The following CDK14 variants were observed in gnomAD, a reference collection of about 807,000 sequenced individuals.
CDK14 encodes cyclin-dependent kinase 14.
Under a neutral mutation model 60.7 loss-of-function variants are expected in CDK14, and 34 were observed. The observed-to-expected ratio is 0.56, with a 90% CI of 0.43 to 0.75. CDK14 has a LOEUF of 0.75. CDK14 is among the 30% of genes least tolerant of loss of function. CDK14 has a pLI of 0.00. For synonymous variants in CDK14, 197 were observed against 203.7 expected (o/e 0.97, Z 0.28); for missense variants, 482 against 564.1 (o/e 0.85, Z 1.47).
intron 2 of CDK14, among the ~76,000 whole-genome samples, chr7:90,696,367 G>C (rs183535769): frequency 4.8e-5 from 6 of 125,690 alleles, no homozygotes; most frequent in African/African-American, 1.8e-4. Flanking sequence ...TTGAGACAGA[G>C]ACTGGCTCTG....
At chr7:90,883,967 C>T (rs182661861) in intron 6 of CDK14, among the ~76,000 whole-genome samples, 1 of 152,180 alleles carries the variant, frequency 6.6e-6, no homozygotes, top group African/African-American at 2.4e-5. Flanking sequence ...TATGACAAAC[C>T]CACAGCCAAT....
intron 5 of CDK14, among the ~76,000 whole-genome samples, chr7:90,812,240 G>A (rs1789152832): frequency 1.3e-5 from 2 of 152,144 alleles, no homozygotes; most frequent in Non-Finnish European, 2.9e-5. Context: ...ATGATAAACT[G>A]GATTAAGAAA....
rs145147290 is a variant in CDK14, at chr7:91,199,655, G to A, written c.*29-7510G>A. On this transcript the variant is annotated intron_variant, in intron 14 of 14. Transcript: ENST00000380050. Reference sequence around the variant, plus strand: ...TGATATGTTAAGTCAGTCTTCTCATGTGAGAAATGCTTTGTTTTGAAATGT... The same window carrying A: ...TGATATGTTAAGTCAGTCTTCTCATATGAGAAATGCTTTGTTTTGAAATGT... Among the ~76,000 whole-genome samples, 185 of 152,208 alleles carry A rather than the reference G, an allele frequency of 1.2e-3. 1 individual carries two copies. In the Middle Eastern group the frequency reaches 0.014, roughly 11 times the overall value.
intron 12 of CDK14, among the ~76,000 whole-genome samples, chr7:91,112,337 ATAC>A (rs1253313293): frequency 1.8e-4 from 26 of 147,888 alleles, no homozygotes; most frequent in Non-Finnish European, 2.9e-4. Context: ...TAAATCAATT[ATAC>A]TGTTATACCT....
chr7:90,701,724 T>G (rs1381200958), intron 2 of CDK14, among the ~76,000 whole-genome samples: 1 of 152,124 alleles, frequency 6.6e-6, no homozygotes, highest in Non-Finnish European at 1.5e-5. Flanking sequence ...AAGAAAGAAA[T>G]AGATTTATTG....
At chr7:91,031,971 T>G (rs2115942074) in intron 10 of CDK14, among the ~76,000 whole-genome samples, 1 of 152,292 alleles carries the variant, frequency 6.6e-6, no homozygotes, top group South Asian at 2.1e-4. Flanking sequence ...TTGCCGGCCT[T>G]GCATACATAA....
At chr7:90,758,943 C>G (rs1804198804) in intron 4 of CDK14, among the ~76,000 whole-genome samples, 1 of 151,700 alleles carries the variant, frequency 6.6e-6, no homozygotes, top group African/African-American at 2.4e-5. Flanking sequence ...ACAATCCCAG[C>G]TACTCGGAAG....
intron 5 of CDK14, among the ~76,000 whole-genome samples, chr7:90,806,291 C>T (rs1788831479): frequency 6.6e-6 from 1 of 151,980 alleles, no homozygotes; most frequent in Non-Finnish European, 1.5e-5. Context: ...TTGGAGTTGT[C>T]CTCTTAAAAA....
chr7:90,886,449 A>G (rs969433479), intron 6 of CDK14, among the ~76,000 whole-genome samples: 1 of 152,150 alleles, frequency 6.6e-6, no homozygotes, highest in South Asian at 2.1e-4. Flanking sequence ...ACTTCTTTTA[A>G]CATTTTGCTA....
At chr7:90,953,376 A>G (rs769993791) in intron 8 of CDK14, among the ~76,000 whole-genome samples, 1 of 152,202 alleles carries the variant, frequency 6.6e-6, no homozygotes, top group Non-Finnish European at 1.5e-5. Context: ...TTGGGAAGTT[A>G]TGTGGCTCAT....
intron 7 of CDK14, among the ~76,000 whole-genome samples, chr7:90,904,985 A>G (rs557222795): frequency 1.3e-5 from 2 of 152,262 alleles, no homozygotes; most frequent in South Asian, 4.1e-4. Flanking sequence ...TAAAATTACC[A>G]TTTTCAGATG....
chr7:90,744,148 G>A (rs1803470259), intron 3 of CDK14, among the ~76,000 whole-genome samples: 1 of 152,192 alleles, frequency 6.6e-6, no homozygotes, highest in African/African-American at 2.4e-5. Context: ...CTAGGCAGAG[G>A]ACCCTGCGGC....
intron 2 of CDK14, among the ~76,000 whole-genome samples, chr7:90,664,027 T>G (rs1408520164): frequency 6.6e-6 from 1 of 152,046 alleles, no homozygotes; most frequent in Non-Finnish European, 1.5e-5. Flanking sequence ...GGGAGAAAAT[T>G]TTTGCAACCT....
chr7:90,895,164 GC>G (rs1311991263), intron 6 of CDK14, among the ~76,000 whole-genome samples: 2 of 151,836 alleles, frequency 1.3e-5, no homozygotes, highest in African/African-American at 2.4e-5. Context: ...TTTAGTTATA[GC>G]CCTTCCTATG....
intron 10 of CDK14, among the ~76,000 whole-genome samples, chr7:91,030,159 T>C (rs1206998657): frequency 6.6e-6 from 1 of 152,232 alleles, no homozygotes; most frequent in Non-Finnish European, 1.5e-5. Context: ...AAATGCTATA[T>C]ATACAGTTGC....
chr7:91,023,919 C>A (rs983721237), intron 10 of CDK14, among the ~76,000 whole-genome samples: 5 of 152,032 alleles, frequency 3.3e-5, no homozygotes, highest in African/African-American at 7.2e-5. Flanking sequence ...ATTATAGGTG[C>A]ACGCCAACAT....
rs147847818 is a variant in CDK14, at chr7:90,994,030, T to C, written c.1041+9789T>C. Among the ~76,000 whole-genome samples, 628 of 152,354 alleles carry C rather than the reference T, an allele frequency of 4.1e-3. 2 individuals carry two copies. The highest frequency in any genetic ancestry group is 0.014 in the African/African-American group (584 of 41,590). On this transcript the variant is annotated intron_variant, in intron 10 of 14. Coordinates refer to ENST00000380050, the MANE Select transcript of CDK14 (RefSeq NM_001287135.2). ...TATACATGACTTTATTTTTAACATA[T>C]ATGACTACTTCCTGGTTGTTCTGGT...
At chr7:90,656,456 T>G (rs1800753618) in intron 2 of CDK14, among the ~76,000 whole-genome samples, 1 of 151,380 alleles carries the variant, frequency 6.6e-6, no homozygotes, top group African/African-American at 2.4e-5. Context: ...CTTGGCTCAC[T>G]GCAACCTTTG....
intron 5 of CDK14, among the ~76,000 whole-genome samples, chr7:90,813,794 A>G (rs1789237338): frequency 6.6e-6 from 1 of 152,180 alleles, no homozygotes; most frequent in South Asian, 2.1e-4. Context: ...AATAATAGTT[A>G]GGGTCCGAAG....
Sources: gnomAD v4.1 joint callset for allele counts (sites outside exome capture counted in the v4.1 genomes callset) on GRCh38, gnomAD v4.1.1 for gene constraint, MANE v1.5 for transcripts, NCBI Gene and HGNC (gene_info 2026-07-23, HGNC 2026-07-21) for gene names.